TPST1: variants seen among roughly 807,000 people sequenced by gnomAD.
TPST1 encodes tyrosylprotein sulfotransferase 1, also known as protein-tyrosine sulfotransferase 1.
Under a neutral mutation model 34.8 loss-of-function variants are expected in TPST1, and 20 were observed. That is an observed-to-expected ratio of 0.57 (90% confidence interval 0.40 to 0.84). The LOEUF (loss-of-function observed/expected upper bound fraction) is 0.84. Among genes scored for constraint, TPST1 ranks in the 40% least tolerant of loss-of-function variants. TPST1 has a pLI of 0.00. For synonymous variants in TPST1, 152 were observed against 159.4 expected (o/e 0.95, Z 0.35); for missense variants, 353 against 455.5 (o/e 0.78, Z 2.05).
chr7:66,338,609 T>C (rs554902856), intron 3 of TPST1, among the ~76,000 whole-genome samples: 1 of 152,210 alleles, frequency 6.6e-6, no homozygotes, highest in South Asian at 2.1e-4. Context: ...ATTTTTAAAA[T>C]TGAAATTATA....
chr7:66,268,299 A>G lies in TPST1; in HGVS notation c.846-18212A>G, dbSNP rs561099669. Among the ~76,000 whole-genome samples, 8 of 152,268 alleles carry G rather than the reference A, an allele frequency of 5.3e-5. No homozygotes were observed. The East Asian group carries it at 5.8e-4, about 11-fold the overall frequency. ...ATGCCATAGTTTAGCCTTCAACTAT[A>G]TATGCCTTATGGAACCTCCAGTTTA... is the stretch of plus-strand genomic sequence containing the variant. On this transcript the variant is annotated intron_variant, in intron 2 of 5. Transcript: ENST00000304842.
intron 3 of TPST1, among the ~76,000 whole-genome samples, chr7:66,329,401 T>G (rs1277992947): frequency 6.6e-6 from 1 of 152,136 alleles, no homozygotes; most frequent in Non-Finnish European, 1.5e-5. Flanking sequence ...TTGCTTTATC[T>G]TCTCTGTGCA....
At chr7:66,262,712 C>T (rs556752880) in intron 2 of TPST1, among the ~76,000 whole-genome samples, 1 of 152,254 alleles carries the variant, frequency 6.6e-6, no homozygotes, top group African/African-American at 2.4e-5. Flanking sequence ...ATTTCCTCTT[C>T]CACTTTCCTT....
At chr7:66,277,602 G>C (rs1669543827) in intron 2 of TPST1, among the ~76,000 whole-genome samples, 1 of 151,986 alleles carries the variant, frequency 6.6e-6, no homozygotes, top group Non-Finnish European at 1.5e-5. Context: ...CTATTTGGAT[G>C]ATCTCATCAA....
intron 2 of TPST1, among the ~76,000 whole-genome samples, chr7:66,268,650 A>G (rs1790638171): frequency 6.6e-6 from 1 of 152,198 alleles, no homozygotes; most frequent in Non-Finnish European, 1.5e-5. Flanking sequence ...ATGAAAATAA[A>G]AGTGAATATG....
intron 3 of TPST1, among the ~76,000 whole-genome samples, chr7:66,339,187 G>A (rs1040647505): frequency 6.6e-5 from 10 of 151,770 alleles, no homozygotes; most frequent in Admixed American, 2.0e-4. Flanking sequence ...TGATACCACC[G>A]ATATACAAAA....
intron 1 of TPST1, among the ~76,000 whole-genome samples, chr7:66,231,792 G>A (rs1789801801): frequency 6.6e-6 from 1 of 152,258 alleles, no homozygotes; most frequent in Non-Finnish European, 1.5e-5. Context: ...CTCCCACAGT[G>A]CAGCGGTGGG....
At chr7:66,271,113 T>C (rs1790695345) in intron 2 of TPST1, among the ~76,000 whole-genome samples, 1 of 152,182 alleles carries the variant, frequency 6.6e-6, no homozygotes. Flanking sequence ...AGACCAATTT[T>C]ATATGTTTCT....
chr7:66,303,391 G>GTGTGTGTATGTATGTATGTATGTA (rs147490083), intron 3 of TPST1, among the ~76,000 whole-genome samples: 67 of 150,164 alleles, frequency 4.5e-4, no homozygotes, highest in Middle Eastern at 6.8e-3. Flanking sequence ...ACAGCTGTGT[G>GTGTGTGTATGTATGTATGTATGTA]TGTATGTATG....
intron 3 of TPST1, among the ~76,000 whole-genome samples, chr7:66,312,556 T>G (rs1791551032): frequency 6.6e-6 from 1 of 152,182 alleles, no homozygotes; most frequent in Non-Finnish European, 1.5e-5. Context: ...TCCAATTCCC[T>G]TTTTAAAAAT....
chr7:66,345,935 T>C (rs910677330), intron 3 of TPST1, among the ~76,000 whole-genome samples: 1 of 152,134 alleles, frequency 6.6e-6, no homozygotes, highest in African/African-American at 2.4e-5. Flanking sequence ...TATCTAATAA[T>C]ATTTTTGTAC....
intron 1 of TPST1, among the ~76,000 whole-genome samples, chr7:66,217,520 A>G (rs993776999): frequency 1.3e-5 from 2 of 152,124 alleles, no homozygotes; most frequent in African/African-American, 4.8e-5. Context: ...TGTTTGCATG[A>G]TATATCTTTT....
At chr7:66,200,023 C>A in the TPST1 span, among the ~76,000 whole-genome samples, 1 of 152,194 alleles carries the variant, frequency 6.6e-6, no homozygotes, top group Admixed American at 6.5e-5. Context: ...AGCCACTGCG[C>A]GGGGCCTGTG....
intron 2 of TPST1, among the ~76,000 whole-genome samples, chr7:66,276,782 G>A (rs979510763): frequency 6.6e-6 from 1 of 151,660 alleles, no homozygotes; most frequent in Non-Finnish European, 1.5e-5. Context: ...AAAATAGTAA[G>A]TTACAATTTT....
chr7:66,245,770 T>C (rs1790134270), intron 2 of TPST1, among the ~76,000 whole-genome samples: 3 of 152,216 alleles, frequency 2.0e-5, no homozygotes. Flanking sequence ...TGACAGACCA[T>C]ATTCACAAAG....
chr7:66,262,249 G>C (rs767008692), intron 2 of TPST1, among the ~76,000 whole-genome samples: 29 of 152,162 alleles, frequency 1.9e-4, no homozygotes, highest in Non-Finnish European at 3.8e-4. Context: ...AAGACAAATA[G>C]CCCTTAGTTA....
At chr7:66,217,741 T>G (rs578016761) in intron 1 of TPST1, among the ~76,000 whole-genome samples, 1 of 151,814 alleles carries the variant, frequency 6.6e-6, no homozygotes, top group East Asian at 2.0e-4. Context: ...TGTGCCACCA[T>G]GCCTGGCTAA....
chr7:66,265,120 G>A (rs1790564830), intron 2 of TPST1, among the ~76,000 whole-genome samples: 1 of 152,092 alleles, frequency 6.6e-6, no homozygotes, highest in Non-Finnish European at 1.5e-5. Context: ...CTAATTTGAA[G>A]AACAGAAAAG....
At chr7:66,285,303 A>G (rs1036588670) in intron 2 of TPST1, among the ~76,000 whole-genome samples, 1 of 152,204 alleles carries the variant, frequency 6.6e-6, no homozygotes, top group Admixed American at 6.5e-5. Flanking sequence ...TGTCCTGGGC[A>G]AACGAGGATG....
Sources: allele counts gnomAD v4.1 joint callset (sites outside exome capture counted in the v4.1 genomes callset), GRCh38; gene constraint gnomAD v4.1.1; transcripts MANE v1.5; gene names NCBI Gene and HGNC (gene_info 2026-07-23, HGNC 2026-07-21).